The following ADAM32 variants were observed in gnomAD, a reference collection of about 807,000 sequenced individuals.
The protein encoded by ADAM32 is disintegrin and metalloproteinase domain-containing protein 32.
In ADAM32, 89 loss-of-function variants were observed where a neutral mutation model predicts 114.9. The observed-to-expected ratio is 0.77, with a 90% CI of 0.65 to 0.92. The LOEUF (loss-of-function observed/expected upper bound fraction) is 0.92. Ranked by LOEUF, ADAM32 falls within the 40% of genes least tolerant of loss-of-function variation. The probability of loss-of-function intolerance (pLI) is 0.00; values close to 1 mark genes in which losing one functional copy is unlikely to be tolerated. For missense variants in ADAM32, 870 were observed against 932.8 expected (o/e 0.93, Z 0.88); for synonymous variants, 285 against 307.5 (o/e 0.93, Z 0.77).
At chr8:39,215,086 AG>A (rs1808473209) in intron 12 of ADAM32, among the ~76,000 whole-genome samples, 1 of 152,036 alleles carries the variant, frequency 6.6e-6, no homozygotes, top group Non-Finnish European at 1.5e-5. Context: ...ATACCTCTGT[AG>A]TATAATTTGA....
chr8:39,190,088 C>T (rs1429966193), intron 11 of ADAM32, among the ~76,000 whole-genome samples: 13 of 152,216 alleles, frequency 8.5e-5, no homozygotes, highest in Admixed American at 8.5e-4. Context: ...AAAGTGTCTA[C>T]TCTATATCTT....
intron 19 of ADAM32, among the ~76,000 whole-genome samples, chr8:39,268,483 G>A (rs1812505555): frequency 6.6e-6 from 1 of 152,062 alleles, no homozygotes; most frequent in Admixed American, 6.6e-5. Context: ...TGTATTTCGA[G>A]TGTTCTGAAT....
chr8:39,281,294 C>T, intron 23 of ADAM32, 120 bp downstream of exon 23: 1 of 359,074 alleles, frequency 2.8e-6, no homozygotes, highest in South Asian at 9.3e-5. Flanking sequence ...ATAAAGTCTA[C>T]ACCAAACCCA....
intron 19 of ADAM32, among the ~76,000 whole-genome samples, chr8:39,266,324 G>A (rs947799793): frequency 3.9e-5 from 6 of 152,250 alleles, no homozygotes; most frequent in South Asian, 4.2e-4. Context: ...TGGTCTCTAC[G>A]TAATCACATA....
chr8:39,161,101 A>C (rs1804482316), intron 7 of ADAM32, 136 bp downstream of exon 7: 2 of 750,102 alleles, frequency 2.7e-6, no homozygotes, highest in Non-Finnish European at 4.1e-6. Context: ...AAAATGTGCA[A>C]ACTGAGAAAC....
At chr8:39,134,902 T>A (rs1345634093) in intron 2 of ADAM32, among the ~76,000 whole-genome samples, 1 of 152,126 alleles carries the variant, frequency 6.6e-6, no homozygotes, top group Non-Finnish European at 1.5e-5. Flanking sequence ...AAGCCTGTAA[T>A]CCTAGCACTT....
chr8:39,139,307 A>G (rs1013401717), intron 3 of ADAM32, among the ~76,000 whole-genome samples: 2 of 152,134 alleles, frequency 1.3e-5, no homozygotes, highest in Non-Finnish European at 2.9e-5. Context: ...TTATGGTGTT[A>G]GGTCTTACAT....
chr8:39,161,126 G>A (rs1804485485), intron 7 of ADAM32, among the ~76,000 whole-genome samples, 161 bp downstream of exon 7: 1 of 152,154 alleles, frequency 6.6e-6, no homozygotes, highest in South Asian at 2.1e-4. Context: ...TAGTCAAAAT[G>A]ATACTAGTTT....
intron 11 of ADAM32, among the ~76,000 whole-genome samples, chr8:39,201,955 C>A (rs531257128): frequency 6.6e-5 from 10 of 152,294 alleles, no homozygotes; most frequent in Admixed American, 3.3e-4. Context: ...GATGAACCAG[C>A]CTTGCATCCC....
At chr8:39,204,690 G>T (rs567097266) in intron 11 of ADAM32, among the ~76,000 whole-genome samples, 13 of 152,352 alleles carry the variant, frequency 8.5e-5, no homozygotes, top group South Asian at 8.3e-4. Flanking sequence ...TTCCTTTGGA[G>T]GGGTAGAGGC....
intron 11 of ADAM32, among the ~76,000 whole-genome samples, chr8:39,199,472 G>A (rs981601486): frequency 6.6e-6 from 1 of 151,652 alleles, no homozygotes; most frequent in African/African-American, 2.4e-5. Context: ...TGATTAATCT[G>A]GTCTACTATG....
intron 4 of ADAM32, 27 bp downstream of exon 4, chr8:39,147,232 G>T: frequency 3.2e-6 from 3 of 943,066 alleles, no homozygotes; most frequent in South Asian, 3.4e-5. Flanking sequence ...GTGTTTTATA[G>T]TTTTTTTTAA....
At chr8:39,222,432 T>C (rs1395051025) in intron 13 of ADAM32, among the ~76,000 whole-genome samples, 3 of 152,074 alleles carry the variant, frequency 2.0e-5, no homozygotes, top group Non-Finnish European at 4.4e-5. Context: ...CTGGAAGTCA[T>C]CAATTAAGAA....
At chr8:39,265,077 G>T (rs900761694) in intron 19 of ADAM32, among the ~76,000 whole-genome samples, 2 of 152,154 alleles carry the variant, frequency 1.3e-5, no homozygotes, top group South Asian at 2.1e-4. Flanking sequence ...CTTTCAGGGG[G>T]TGTTGAAGTC....
intron 19 of ADAM32, among the ~76,000 whole-genome samples, chr8:39,258,124 G>A (rs1021405965): frequency 6.7e-6 from 1 of 150,264 alleles, no homozygotes; most frequent in African/African-American, 2.4e-5. Flanking sequence ...TGGTTTGTTT[G>A]TTTTGTCTTT....
intron 11 of ADAM32, among the ~76,000 whole-genome samples, chr8:39,187,268 G>A (rs1156611971): frequency 6.8e-6 from 1 of 146,822 alleles, no homozygotes; most frequent in African/African-American, 2.5e-5. Context: ...GAATATGAAA[G>A]CACTTAGTAT....
At chr8:39,277,847 C>G (rs1008084573) in intron 22 of ADAM32, among the ~76,000 whole-genome samples, 4 of 152,240 alleles carry the variant, frequency 2.6e-5, no homozygotes, top group South Asian at 4.1e-4. Flanking sequence ...TTACAGTGCT[C>G]TTTTAGCTTG....
chr8:39,125,159 C>T (rs182479671), intron 2 of ADAM32, among the ~76,000 whole-genome samples: 12 of 152,246 alleles, frequency 7.9e-5, no homozygotes, highest in Admixed American at 3.3e-4. Flanking sequence ...TTGCAAGAGT[C>T]TGTTCACATC....
At chr8:39,141,721 C>A (rs1306963859) in intron 3 of ADAM32, among the ~76,000 whole-genome samples, 1 of 152,150 alleles carries the variant, frequency 6.6e-6, no homozygotes, top group African/African-American at 2.4e-5. Flanking sequence ...TGGTCCGGAG[C>A]TGAGTTCAAG....
Sources: gnomAD v4.1 joint callset for allele counts (sites outside exome capture counted in the v4.1 genomes callset) on GRCh38, gnomAD v4.1.1 for gene constraint, MANE v1.5 for transcripts, NCBI Gene and HGNC (gene_info 2026-07-23, HGNC 2026-07-21) for gene names.